BIRC6: variants seen among roughly 807,000 people sequenced by gnomAD.
BIRC6 encodes the protein dual E2 ubiquitin-conjugating enzyme/E3 ubiquitin-protein ligase BIRC6.
BIRC6 carries 98 observed loss-of-function variants against 503.3 expected under a neutral mutation model. The observed-to-expected ratio is 0.19, with a 90% CI of 0.17 to 0.23. The LOEUF (loss-of-function observed/expected upper bound fraction) is 0.23. Among genes scored for constraint, BIRC6 ranks in the 10% least tolerant of loss-of-function variants. The pLI, the probability that BIRC6 is intolerant of heterozygous loss-of-function variation, is 1.00. For synonymous variants in BIRC6, 2,240 were observed against 2,078.7 expected (o/e 1.08, Z -2.11); for missense variants, 5,360 against 5,806.0 (o/e 0.92, Z 2.50).
intron 50 of BIRC6, chr2:32,505,444 A>C: frequency 2.3e-6 from 1 of 431,444 alleles, no homozygotes; most frequent in Non-Finnish European, 4.2e-6. Context: ...GTTATATATT[A>C]TTTCGCTTTC....
chr2:32,617,512 T>C (rs529748989), intron 73 of BIRC6, among the ~76,000 whole-genome samples: 1 of 152,372 alleles, frequency 6.6e-6, no homozygotes, highest in South Asian at 2.1e-4. Context: ...CTGAGGTCTT[T>C]TCAGCAACAT....
At chr2:32,388,141 C>T (rs1453286655) in intron 3 of BIRC6, among the ~76,000 whole-genome samples, 1 of 151,852 alleles carries the variant, frequency 6.6e-6, no homozygotes, top group East Asian at 1.9e-4. Flanking sequence ...AATCCCAGCA[C>T]TTTGGGAGGC....
intron 10 of BIRC6, among the ~76,000 whole-genome samples, chr2:32,424,930 T>C (rs1203865411): frequency 1.3e-5 from 2 of 152,190 alleles, no homozygotes; most frequent in East Asian, 3.9e-4. Flanking sequence ...ACATTTGTTA[T>C]TTTTGGTCTT....
At chr2:32,470,079 A>T in intron 30 of BIRC6, 89 bp from the exon 31 acceptor site, 1 of 1,106,690 alleles carries the variant, frequency 9.0e-7, no homozygotes, top group Non-Finnish European at 1.2e-6. Flanking sequence ...TTCTATCATT[A>T]CTCTGTTAAA....
chr2:32,481,314 T>G lies in BIRC6; in HGVS notation c.7409-6T>G. ...CACCAATAAGATCACTTTTAATTAT[T>G]TGAAGGTGCACCTCCTCTGTCCTCT... On this transcript the variant is annotated splice_region_variant and splice_polypyrimidine_tract_variant and intron_variant, in intron 37 of 73. Coordinates refer to ENST00000421745, the MANE Select transcript of BIRC6 (RefSeq NM_016252.4). 1 of 1,578,236 alleles carries G rather than the reference T, an allele frequency of 6.3e-7. No individual in the cohort carries two copies. The highest frequency in any genetic ancestry group is 2.3e-5 in the East Asian group (1 of 43,332).
intron 44 of BIRC6, 96 bp from the exon 45 acceptor site, chr2:32,493,444 G>C: frequency 6.5e-6 from 8 of 1,227,982 alleles, no homozygotes; most frequent in Non-Finnish European, 9.0e-6. Flanking sequence ...AAGTTACAGT[G>C]TATAGCTTTT....
chr2:32,470,382 C>G, intron 31 of BIRC6, 81 bp downstream of exon 31: 2 of 1,263,054 alleles, frequency 1.6e-6, no homozygotes, highest in Non-Finnish European at 2.1e-6. Flanking sequence ...CTCTGAAATA[C>G]TTTAATAATT....
Position 32,490,150 on chromosome 2 carries a change from T to G in BIRC6, c.8205T>G (p.Asn2735Lys). The change falls in exon 43 of 74, where the codon AAT (asparagine) becomes AAG (lysine). Residue 2735 changes from asparagine (N) to lysine (K), a missense_variant and splice_region_variant. Physicochemically the swap from Asn to Lys is moderately conservative, Grantham distance 94. Coordinates refer to ENST00000421745, the MANE Select transcript of BIRC6 (RefSeq NM_016252.4). ...CACTCATGACAAACATGCAGCTTAA[T>G]TGTAAGTTCATAAATTTATTCATTT... ...SLTLMTNMQL[N>K]SGSSSAIGTQ... The G allele has an allele frequency of 1.3e-6, 2 of 1,589,758 alleles. No individual in the cohort carries two copies. The highest frequency in any genetic ancestry group is 1.7e-6 in the Non-Finnish European group (2 of 1,158,014).
rs1329296199 is a variant in BIRC6, at chr2:32,443,515, A to G, written c.4263A>G (p.Gln1421=). ...CISNGKCDPC[Q]PAFGPVLLKA... ...GTAATGGCAAATGTGACCCATGTCA[A>G]CCAGCATTTGGACCTGTTCTGTTGA... The change falls in exon 20 of 74, where the codon CAA becomes CAG. Residue 1421 remains glutamine, a synonymous_variant. Coordinates refer to ENST00000421745, the MANE Select transcript of BIRC6 (RefSeq NM_016252.4). The G allele has an allele frequency of 6.2e-7, 1 of 1,607,620 alleles. No homozygotes were observed. Among genetic ancestry groups the G allele is most frequent in the African/African-American group, 1.3e-5 (1 of 74,824 alleles).
chr2:32,397,171 A>G (rs975569659), intron 6 of BIRC6, among the ~76,000 whole-genome samples: 8 of 152,092 alleles, frequency 5.3e-5, no homozygotes, highest in Admixed American at 5.2e-4. Context: ...AACTGAAACC[A>G]TAGAGAGTGA....
chr2:32,460,173 G>GAT (rs929322680), intron 23 of BIRC6, among the ~76,000 whole-genome samples: 6 of 116,238 alleles, frequency 5.2e-5, no homozygotes, highest in South Asian at 2.8e-4. Context: ...ATCTGATATA[G>GAT]ATATATATAT....
At chr2:32,498,342 G>A (rs2052736654) in intron 45 of BIRC6, among the ~76,000 whole-genome samples, 1 of 152,180 alleles carries the variant, frequency 6.6e-6, no homozygotes, top group African/African-American at 2.4e-5. Context: ...ATGAGCCACT[G>A]TGCCCGGCCT....
intron 64 of BIRC6, 147 bp from the exon 65 acceptor site, chr2:32,549,166 A>C (rs1215148512): frequency 1.8e-6 from 1 of 541,932 alleles, no homozygotes; most frequent in Non-Finnish European, 2.9e-6. Context: ...TTGAAAATTT[A>C]AACAAATAAT....
chr2:32,433,767 G>A lies in BIRC6; in HGVS notation c.3372G>A (p.Leu1124=). 1 of 1,587,800 alleles carries A rather than the reference G, an allele frequency of 6.3e-7. No homozygotes were observed. Residue 1124 remains leucine, a synonymous_variant, in exon 13 of 74, where the codon CTG becomes CTA. Coordinates refer to ENST00000421745, the MANE Select transcript of BIRC6 (RefSeq NM_016252.4). The part of the protein sequence containing the change: ...ITNIPQIQVT[L]LKNKAPGLGK... ...ATATTCCACAGATACAAGTGACACT[G>A]CTGAAAAATAAAGCTCCAGGATTAG... is the stretch of plus-strand genomic sequence containing the variant.
intron 72 of BIRC6, among the ~76,000 whole-genome samples, chr2:32,609,711 C>T (rs1187926912): frequency 6.8e-6 from 1 of 146,392 alleles, no homozygotes; most frequent in Non-Finnish European, 1.5e-5. Flanking sequence ...GATCGCGCCA[C>T]GGCACTCCAG....
intron 66 of BIRC6, among the ~76,000 whole-genome samples, chr2:32,589,770 G>A (rs1478865672): frequency 6.6e-6 from 1 of 152,092 alleles, no homozygotes; most frequent in East Asian, 1.9e-4. Flanking sequence ...ATTATTTGTG[G>A]CAACTCTATT....
chr2:32,487,430 A>G (rs555881316), intron 40 of BIRC6, among the ~76,000 whole-genome samples: 37 of 152,170 alleles, frequency 2.4e-4, no homozygotes, highest in Non-Finnish European at 4.7e-4. Flanking sequence ...TTTGAGTCCT[A>G]TGAATTTGGG....
intron 53 of BIRC6, 85 bp from the exon 54 acceptor site, chr2:32,512,848 T>C (rs1234466662): frequency 1.0e-6 from 1 of 961,286 alleles, no homozygotes; most frequent in African/African-American, 1.6e-5. Context: ...AATACCCTAC[T>C]CACCATGCAG....
chr2:32,454,505 A>T (rs566302359), intron 23 of BIRC6, among the ~76,000 whole-genome samples: 1 of 152,048 alleles, frequency 6.6e-6, no homozygotes, highest in East Asian at 1.9e-4. Context: ...TCACGTAGGA[A>T]GATCGGTATT....
Sources: allele counts gnomAD v4.1 joint callset (sites outside exome capture counted in the v4.1 genomes callset), GRCh38; gene constraint gnomAD v4.1.1; transcripts MANE v1.5; gene names NCBI Gene and HGNC (gene_info 2026-07-23, HGNC 2026-07-21).